The following CADM2 variants were observed in gnomAD, a reference collection of about 807,000 sequenced individuals.
CADM2 encodes immunoglobulin superfamily member 4D.
Under a neutral mutation model 49.8 loss-of-function variants are expected in CADM2, and 12 were observed. The ratio of observed to expected loss-of-function variants is 0.24; its 90% CI spans 0.15 to 0.39. CADM2 has a LOEUF of 0.39. CADM2 is among the 10% of genes least tolerant of loss of function. CADM2 has a pLI of 1.00. For synonymous variants in CADM2, 214 were observed against 175.4 expected (o/e 1.22, Z -1.74); for missense variants, 378 against 492.3 (o/e 0.77, Z 2.20).
intron 1 of CADM2, among the ~76,000 whole-genome samples, chr3:85,669,426 T>C (rs1018357048): frequency 2.2e-4 from 34 of 152,156 alleles, no homozygotes; most frequent in Non-Finnish European, 5.9e-5. Context: ...ATTGAGCATA[T>C]AGAGTGTGAC....
Position 85,301,493 on chromosome 3 carries a change from A to T in CADM2, c.61+341825A>T, listed in dbSNP as rs1281425789. Among the ~76,000 whole-genome samples the T allele has an allele frequency of 2.6e-5, 4 of 152,024 alleles. No individual in the cohort carries two copies. In the East Asian group the frequency reaches 7.7e-4, roughly 29 times the overall value. ...ACCTGCTACAATTTGTCTGCGGTGT[A>T]TGTGTGCTACCAGTCACCAAAAGTG... On this transcript the variant is annotated intron_variant, in intron 1 of 9. Coordinates refer to ENST00000383699, the MANE Select transcript of CADM2 (RefSeq NM_001167675.2).
intron 1 of CADM2, among the ~76,000 whole-genome samples, chr3:85,339,437 A>G (rs2045180785): frequency 6.6e-6 from 1 of 151,570 alleles, no homozygotes; most frequent in East Asian, 1.9e-4. Flanking sequence ...AGTTTATAGA[A>G]TCATTCCTCA....
chr3:84,975,410 T>C (rs1261307210), intron 1 of CADM2, among the ~76,000 whole-genome samples: 2 of 151,650 alleles, frequency 1.3e-5, no homozygotes, highest in Non-Finnish European at 3.0e-5. Flanking sequence ...AATCATCCGG[T>C]GTACTGTATA....
At chr3:85,455,622 C>T (rs1001775873) in intron 1 of CADM2, among the ~76,000 whole-genome samples, 1 of 152,126 alleles carries the variant, frequency 6.6e-6, no homozygotes, top group African/African-American at 2.4e-5. Context: ...TATGGATGCT[C>T]TTTTTTAATA....
chr3:85,955,435 C>A (rs1367913452), intron 7 of CADM2, among the ~76,000 whole-genome samples: 1 of 151,408 alleles, frequency 6.6e-6, no homozygotes, highest in African/African-American at 2.4e-5. Context: ...GGACTCACTT[C>A]TCCATTACTG....
At chr3:85,629,412 C>T (rs562028068) in intron 1 of CADM2, among the ~76,000 whole-genome samples, 1 of 151,842 alleles carries the variant, frequency 6.6e-6, no homozygotes, top group East Asian at 1.9e-4. Flanking sequence ...CACACACACA[C>T]AGAGATATCT....
chr3:85,558,112 AGT>A (rs959363017), intron 1 of CADM2, among the ~76,000 whole-genome samples: 19 of 151,544 alleles, frequency 1.3e-4, no homozygotes, highest in South Asian at 6.3e-4. Context: ...TGAGTCTGTG[AGT>A]GTGTGTGTGT....
chr3:85,517,588 A>G (rs2060934823), intron 1 of CADM2, among the ~76,000 whole-genome samples: 2 of 152,160 alleles, frequency 1.3e-5, no homozygotes. Flanking sequence ...AGCCATGACT[A>G]TGCTTAACTC....
Position 85,972,619 on chromosome 3 carries a change from G to C in CADM2, c.970+10972G>C, listed in dbSNP as rs1726292156. Reference sequence around the variant, plus strand: ...TAATTTTGTTTCGAAAATCCATTCTGAATGCCATTTTTAAAAAGATAAACT... The same window carrying C: ...TAATTTTGTTTCGAAAATCCATTCTCAATGCCATTTTTAAAAAGATAAACT... On this transcript the variant is annotated intron_variant, in intron 8 of 9. Coordinates refer to ENST00000383699, the MANE Select transcript of CADM2 (RefSeq NM_001167675.2). Among the ~76,000 whole-genome samples, 7 of 151,808 alleles carry C rather than the reference G, an allele frequency of 4.6e-5. No individual in the cohort carries two copies. The South Asian group carries it at 1.4e-3, about 31-fold the overall frequency.
chr3:85,321,138 T>C (rs1270026280), intron 1 of CADM2, among the ~76,000 whole-genome samples: 8 of 39,428 alleles, frequency 2.0e-4, no homozygotes, highest in Non-Finnish European at 3.0e-4. Context: ...TTTTTTTTTT[T>C]TTTTTTTTTT....
At chr3:85,252,572 A>C (rs2042799744) in intron 1 of CADM2, among the ~76,000 whole-genome samples, 1 of 152,026 alleles carries the variant, frequency 6.6e-6, no homozygotes, top group African/African-American at 2.4e-5. Context: ...ACTACATTTC[A>C]GATTACTCTT....
intron 1 of CADM2, among the ~76,000 whole-genome samples, chr3:85,475,552 T>C (rs2038942083): frequency 6.6e-6 from 1 of 151,930 alleles, no homozygotes; most frequent in Admixed American, 6.6e-5. Flanking sequence ...TTAGGATGAC[T>C]CATAACGTAG....
chr3:86,011,231 C>A (rs955320890), intron 8 of CADM2, among the ~76,000 whole-genome samples: 13 of 151,928 alleles, frequency 8.6e-5, no homozygotes, highest in Non-Finnish European at 1.6e-4. Flanking sequence ...ATGCAAAAAT[C>A]CTAAATGAAA....
chr3:85,417,825 T>A (rs2035981961), intron 1 of CADM2, among the ~76,000 whole-genome samples: 3 of 152,134 alleles, frequency 2.0e-5, no homozygotes, highest in East Asian at 1.9e-4. Flanking sequence ...AGCAGTGCTT[T>A]TAAATTTTAA....
At chr3:86,065,782 A>T (rs1313655734) in intron 9 of CADM2, 52 bp downstream of exon 9, 6 of 1,576,754 alleles carry the variant, frequency 3.8e-6, no homozygotes, top group Non-Finnish European at 5.2e-6. Flanking sequence ...TTCTAGACTA[A>T]CTTCATTATA....
chr3:86,044,725 G>T (rs1369404452), intron 8 of CADM2, among the ~76,000 whole-genome samples: 4 of 152,238 alleles, frequency 2.6e-5, no homozygotes, highest in South Asian at 2.1e-4. Flanking sequence ...ATACCCAAAG[G>T]ATTATAAAAC....
At chr3:85,670,040 C>CT (rs1216145224) in intron 1 of CADM2, among the ~76,000 whole-genome samples, 2 of 152,052 alleles carry the variant, frequency 1.3e-5, no homozygotes, top group African/African-American at 4.8e-5. Flanking sequence ...GTTTCCTTAT[C>CT]TGTAAATTGA....
chr3:85,447,695 A>C lies in CADM2; in HGVS notation c.62-278827A>C, dbSNP rs533811068. 2.6e-5 allele frequency among the ~76,000 whole-genome samples: 4 copies of C among 152,342 alleles called. No individual in the cohort carries two copies. In the East Asian group the frequency reaches 5.8e-4, roughly 22 times the overall value. On this transcript the variant is annotated intron_variant, in intron 1 of 9. Coordinates refer to ENST00000383699, the MANE Select transcript of CADM2 (RefSeq NM_001167675.2). ...CCTGTGCTGTGACTAGGCAAATGAC[A>C]TTCAGCCATACATCACAAACTGTTA...
intron 1 of CADM2, among the ~76,000 whole-genome samples, chr3:85,064,862 C>G (rs1432686742): frequency 6.6e-6 from 1 of 152,114 alleles, no homozygotes; most frequent in African/African-American, 2.4e-5. Flanking sequence ...TTTTAAAAAT[C>G]TAACAGGCAC....
Sources: gnomAD v4.1 joint callset for allele counts (sites outside exome capture counted in the v4.1 genomes callset) on GRCh38, gnomAD v4.1.1 for gene constraint, MANE v1.5 for transcripts, NCBI Gene and HGNC (gene_info 2026-07-23, HGNC 2026-07-21) for gene names.